ETF1: variants seen among roughly 807,000 people sequenced by gnomAD.
ETF1 encodes the protein eukaryotic translation termination factor 1.
Under a neutral mutation model 55.1 loss-of-function variants are expected in ETF1, and 4 were observed. That is an observed-to-expected ratio of 0.07 (90% confidence interval 0.04 to 0.17). The LOEUF is 0.17. Ranked by LOEUF, ETF1 falls within the 10% of genes least tolerant of loss-of-function variation. ETF1 has a pLI of 1.00. For missense variants in ETF1, 142 were observed against 523.6 expected (o/e 0.27, Z 7.11); for synonymous variants, 157 against 182.3 (o/e 0.86, Z 1.12).
chr5:138,518,056 G>A (rs538519994), intron 3 of ETF1: 30 of 168,012 alleles, frequency 1.8e-4, no homozygotes, highest in Non-Finnish European at 3.4e-4. Flanking sequence ...ACAAAAAGTA[G>A]CCAGGCGTGG....
rs183839888 is a variant in ETF1 at position 138,529,104 on chromosome 5, G to A, written c.87-10237C>T. Reference sequence around the variant, plus strand: ...AGATCCCGCCATTGCACTACAGCCTGGGTGACAGAGCGAGACTCCATCTCA... The same window carrying A: ...AGATCCCGCCATTGCACTACAGCCTAGGTGACAGAGCGAGACTCCATCTCA... On this transcript the variant is annotated intron_variant, in intron 2 of 10. Coordinates refer to ENST00000360541, the MANE Select transcript of ETF1 (RefSeq NM_004730.4). Among the ~76,000 whole-genome samples, 520 of 152,176 alleles carry A rather than the reference G, an allele frequency of 3.4e-3. 5 individuals carry two copies. The highest frequency in any genetic ancestry group is 0.012 in the African/African-American group (489 of 41,520).
chr5:138,508,581 C>G lies in ETF1; in HGVS notation c.1231+88G>C, dbSNP rs569573580. On this transcript the variant is annotated intron_variant, in intron 10 of 10. Transcript: ENST00000360541. The stretch of plus-strand genomic sequence containing the variant: ...CACCTATCCCAGCAGATAATAAGCA[C>G]CTCACCGGAAGCAGGGCTAGGGCTA... 73 of 1,572,786 alleles carry G rather than the reference C, an allele frequency of 4.6e-5. No individual in the cohort carries two copies. In the South Asian group the frequency reaches 8.3e-4, roughly 18 times the overall value.
intron 2 of ETF1, among the ~76,000 whole-genome samples, chr5:138,533,511 C>T (rs1437982308): frequency 2.0e-5 from 3 of 152,058 alleles, no homozygotes; most frequent in African/African-American, 7.2e-5. Context: ...CATGGTGAAA[C>T]CCTGTCTCTA....
chr5:138,530,976 T>TCGCCTC (rs1765674293), intron 2 of ETF1, among the ~76,000 whole-genome samples: 4 of 152,134 alleles, frequency 2.6e-5, no homozygotes, highest in African/African-American at 9.7e-5. Flanking sequence ...CTCCACAACC[T>TCGCCTC]CACCTCCACC....
chr5:138,529,344 A>G (rs537718948), intron 2 of ETF1, among the ~76,000 whole-genome samples: 265 of 152,282 alleles, frequency 1.7e-3, no homozygotes, highest in Non-Finnish European at 3.1e-3. Flanking sequence ...TAAAGTGAAC[A>G]CCCTTCAGGG....
Position 138,543,106 on chromosome 5 carries a change from C to T in ETF1, c.-28G>A. 1 of 622,336 alleles carries T rather than the reference C, an allele frequency of 1.6e-6. No homozygotes were observed. Among genetic ancestry groups the T allele is most frequent in the Non-Finnish European group, 2.7e-6 (1 of 365,326 alleles). The allele number at this position is 622,336 out of a possible 1,614,324, so 38.6% of individuals were successfully genotyped here. A position where few individuals can be genotyped will look rare whatever the true frequency, so the allele number is the denominator to read the frequency against. On this transcript the variant is annotated 5_prime_UTR_variant, in exon 1 of 11. Coordinates refer to ENST00000360541, the MANE Select transcript of ETF1 (RefSeq NM_004730.4). ...CCTCCCTGTGCCTTACCTAAGGGCCCAGTCCTGGGCGGCAGCGGCTGCTCC... is the reference window on the plus strand; with the variant it reads ...CCTCCCTGTGCCTTACCTAAGGGCCTAGTCCTGGGCGGCAGCGGCTGCTCC...
chr5:138,531,503 C>T (rs191712756), intron 2 of ETF1, among the ~76,000 whole-genome samples: 1 of 152,332 alleles, frequency 6.6e-6, no homozygotes, highest in Admixed American at 6.5e-5. Flanking sequence ...CGAACACTCA[C>T]TCCCCCTCAA....
At chr5:138,537,787 A>T (rs772403655) in intron 2 of ETF1, among the ~76,000 whole-genome samples, 1 of 150,414 alleles carries the variant, frequency 6.6e-6, no homozygotes, top group African/African-American at 2.5e-5. Flanking sequence ...TCACTGTGTT[A>T]GCCAGGATGG....
At chr5:138,510,107 C>T (rs1764708541) in intron 9 of ETF1, among the ~76,000 whole-genome samples, 2 of 151,218 alleles carry the variant, frequency 1.3e-5, no homozygotes, top group Non-Finnish European at 2.9e-5. Context: ...CCTGTAATCC[C>T]ACCACTTGGG....
intron 2 of ETF1, among the ~76,000 whole-genome samples, chr5:138,540,770 T>C (rs1742861159): frequency 1.1e-4 from 17 of 152,186 alleles, no homozygotes; most frequent in Admixed American, 1.0e-3. Flanking sequence ...ACTTCATTTT[T>C]AGCATGCTTT....
At chr5:138,526,376 A>C (rs1415885015) in intron 2 of ETF1, among the ~76,000 whole-genome samples, 1 of 152,192 alleles carries the variant, frequency 6.6e-6, no homozygotes, top group East Asian at 1.9e-4. Flanking sequence ...ATTGGGTCCT[A>C]GAAAGCTTAT....
chr5:138,538,365 T>C (rs1037123543), intron 2 of ETF1, among the ~76,000 whole-genome samples: 9 of 151,916 alleles, frequency 5.9e-5, no homozygotes, highest in Non-Finnish European at 8.8e-5. Flanking sequence ...CATTTTTGTA[T>C]TTTTAGTAGA....
At chr5:138,519,182 A>G (rs998818602) in intron 2 of ETF1, 1 of 985,086 alleles carries the variant, frequency 1.0e-6, no homozygotes, top group Non-Finnish European at 1.2e-6. Context: ...GAGTGTCAAC[A>G]GGCTGGAATT....
intron 2 of ETF1, chr5:138,529,866 A>G (rs1391848651): frequency 4.9e-6 from 1 of 205,338 alleles, no homozygotes; most frequent in Non-Finnish European, 8.5e-6. Flanking sequence ...TGATCCTCCC[A>G]CCCTAGCCTG....
At chr5:138,532,097 T>C (rs1765727495) in intron 2 of ETF1, among the ~76,000 whole-genome samples, 1 of 152,156 alleles carries the variant, frequency 6.6e-6, no homozygotes, top group Non-Finnish European at 1.5e-5. Context: ...AGATCATTTC[T>C]GGGAAAGTCA....
intron 2 of ETF1, 177 bp from the exon 3 acceptor site, chr5:138,519,044 G>C: frequency 1.0e-6 from 1 of 983,046 alleles, no homozygotes; most frequent in Non-Finnish European, 1.2e-6. Context: ...ACAGAGTTAG[G>C]AACAGTGTTC....
intron 2 of ETF1, among the ~76,000 whole-genome samples, chr5:138,540,644 T>G (rs1449874752): frequency 6.6e-6 from 1 of 152,166 alleles, no homozygotes; most frequent in Non-Finnish European, 1.5e-5. Context: ...AAAAGCAAAG[T>G]AGGACATGAT....
chr5:138,540,031 C>T (rs980363060), intron 2 of ETF1, among the ~76,000 whole-genome samples: 4 of 152,070 alleles, frequency 2.6e-5, no homozygotes, highest in Admixed American at 2.6e-4. Context: ...AACATACTTC[C>T]CTTTATTCAG....
At position 138,543,172 on chromosome 5, in the gene ETF1, G is replaced by A. The variant is rs991121756; in HGVS notation, c.-94C>T. ...CCGCGGCGGCGGCGGCTCTGACGTA[G>A]GACACCGGCTCCCTCTCTCCAGGCA... On this transcript the variant is annotated 5_prime_UTR_variant, in exon 1 of 11. Coordinates refer to ENST00000360541, the MANE Select transcript of ETF1 (RefSeq NM_004730.4). 3 of 571,452 alleles carry A rather than the reference G, an allele frequency of 5.2e-6. No individual in the cohort carries two copies. Among genetic ancestry groups the A allele is most frequent in the East Asian group, 3.0e-5 (1 of 33,240 alleles). The allele number at this position is 571,452 out of a possible 1,614,324, so 35.4% of individuals were successfully genotyped here. A position where few individuals can be genotyped will look rare whatever the true frequency, so the allele number is the denominator to read the frequency against.
Sources: allele counts gnomAD v4.1 joint callset (sites outside exome capture counted in the v4.1 genomes callset), GRCh38; gene constraint gnomAD v4.1.1; transcripts MANE v1.5; gene names NCBI Gene and HGNC (gene_info 2026-07-23, HGNC 2026-07-21).